The following KANK1 variants were observed in gnomAD, a reference collection of about 807,000 sequenced individuals.
KANK1 encodes KN motif and ankyrin repeat domains 1, also known as KN motif and ankyrin repeat domain-containing protein 1.
Under a neutral mutation model 106.2 loss-of-function variants are expected in KANK1, and 109 were observed. The observed-to-expected ratio is 1.03, with a 90% CI of 0.88 to 1.20. KANK1 has a LOEUF of 1.20. Ranked by LOEUF, KANK1 falls within the 50% of genes most tolerant of loss-of-function variation. The pLI, the probability that KANK1 is intolerant of heterozygous loss-of-function variation, is 0.00. For synonymous variants in KANK1, 873 were observed against 652.2 expected (o/e 1.34, Z -5.16); for missense variants, 2,399 against 1,710.7 (o/e 1.40, Z -7.10).
chr9:543,807 C>G lies in KANK1; in HGVS notation c.-84+39053C>G, dbSNP rs539358301. On this transcript the variant is annotated intron_variant, in intron 1 of 11. Coordinates refer to ENST00000382297, the MANE Select transcript of KANK1 (RefSeq NM_015158.5). ...GATTGTTGCAAGACTTGACATTTCTCTAGTTAATTTCTATGCCTGTTGTTT... is the reference window on the plus strand; with the variant it reads ...GATTGTTGCAAGACTTGACATTTCTGTAGTTAATTTCTATGCCTGTTGTTT... 1.8e-3 allele frequency among the ~76,000 whole-genome samples: 280 copies of G among 152,210 alleles called. 1 individual carries two copies. The highest frequency in any genetic ancestry group is 3.5e-3 in the Non-Finnish European group (236 of 67,982).
chr9:482,893 G>A (rs978225582), intron 3 of KANK1, among the ~76,000 whole-genome samples: 1 of 152,160 alleles, frequency 6.6e-6, no homozygotes, highest in African/African-American at 2.4e-5. Flanking sequence ...GTAGCATGAT[G>A]AAATCTTAGC....
At chr9:509,345 C>T (rs886222764) in intron 1 of KANK1, among the ~76,000 whole-genome samples, 14 of 152,318 alleles carry the variant, frequency 9.2e-5, no homozygotes, top group African/African-American at 3.1e-4. Context: ...ATCCACCCAC[C>T]TCGGCCTCCC....
chr9:670,565 G>C lies in KANK1; in HGVS notation c.-83-6325G>C, dbSNP rs149438891. 2.9e-3 allele frequency among the ~76,000 whole-genome samples: 439 copies of C among 152,270 alleles called. 1 individual carries two copies. Among genetic ancestry groups the C allele is most frequent in the African/African-American group, 0.01 (427 of 41,538 alleles). Reference sequence around the variant, plus strand: ...TGTGGTATGGAAAGGCTGGCTAGGAGTTCATGCCCAAGAGACCTGTGGAAT... The same window carrying C: ...TGTGGTATGGAAAGGCTGGCTAGGACTTCATGCCCAAGAGACCTGTGGAAT... On this transcript the variant is annotated intron_variant, in intron 1 of 11. Coordinates refer to ENST00000382297, the MANE Select transcript of KANK1 (RefSeq NM_015158.5).
At chr9:501,848 C>T (rs775455173), upstream of KANK1, among the ~76,000 whole-genome samples, 1 of 152,152 alleles carries the variant, frequency 6.6e-6, no homozygotes, top group Non-Finnish European at 1.5e-5. Flanking sequence ...CGCCCAGCCT[C>T]GCGAGAGTCT....
chr9:736,256 G>C (rs990088314), intron 7 of KANK1, among the ~76,000 whole-genome samples: 1 of 152,130 alleles, frequency 6.6e-6, no homozygotes, highest in Non-Finnish European at 1.5e-5. Context: ...ACCGCGCCTG[G>C]CCTCAAAAAC....
intron 8 of KANK1, among the ~76,000 whole-genome samples, chr9:740,146 A>C (rs1357430964): frequency 6.6e-6 from 1 of 152,234 alleles, no homozygotes; most frequent in Non-Finnish European, 1.5e-5. Flanking sequence ...TAAATGCCCG[A>C]AGGATAATTT....
At chr9:699,838 C>A (rs945743034) in intron 2 of KANK1, among the ~76,000 whole-genome samples, 3 of 152,090 alleles carry the variant, frequency 2.0e-5, no homozygotes, top group African/African-American at 7.2e-5. Flanking sequence ...AAAAATTAGC[C>A]GGGTTTGGTC....
chr9:650,481 G>A (rs556703535), intron 1 of KANK1, among the ~76,000 whole-genome samples: 1 of 152,124 alleles, frequency 6.6e-6, no homozygotes, highest in Admixed American at 6.5e-5. Context: ...CTAGGATGGG[G>A]GCCTAAGATT....
chr9:599,094 C>T (rs1827071211), intron 1 of KANK1, among the ~76,000 whole-genome samples: 1 of 149,656 alleles, frequency 6.7e-6, no homozygotes, highest in South Asian at 2.1e-4. Context: ...TCTTGGCTCA[C>T]CACAGCCTCC....
chr9:473,053 A>G (rs949324276), intron 2 of KANK1: 1 of 152,248 alleles, frequency 6.6e-6, no homozygotes, highest in Non-Finnish European at 1.5e-5. Flanking sequence ...TTGAGATTTT[A>G]TATAGCAATA....
intron 3 of KANK1, among the ~76,000 whole-genome samples, chr9:726,078 T>G (rs775624079): frequency 6.6e-5 from 10 of 152,204 alleles, no homozygotes; most frequent in Non-Finnish European, 1.3e-4. Context: ...TACATACATA[T>G]GTAAATATAA....
chr9:705,915 T>A (rs1480746874), intron 2 of KANK1, among the ~76,000 whole-genome samples: 1 of 152,090 alleles, frequency 6.6e-6, no homozygotes, highest in Non-Finnish European at 1.5e-5. Context: ...AAATTTTTTT[T>A]AATTAAGTTT....
upstream of KANK1, among the ~76,000 whole-genome samples, chr9:502,108 T>C (rs2058565110): frequency 6.6e-6 from 1 of 152,216 alleles, no homozygotes; most frequent in Non-Finnish European, 1.5e-5. Flanking sequence ...CATGTTGTTA[T>C]GTTCCTAGTT....
At chr9:640,837 C>A (rs529488401) in intron 1 of KANK1, among the ~76,000 whole-genome samples, 1 of 151,916 alleles carries the variant, frequency 6.6e-6, no homozygotes, top group African/African-American at 2.4e-5. Flanking sequence ...GCTGGACCTA[C>A]ATGTGCCCGC....
intron 5 of KANK1, 128 bp from the exon 6 acceptor site, chr9:732,250 C>G (rs1832501977): frequency 1.8e-6 from 2 of 1,139,680 alleles, no homozygotes; most frequent in Admixed American, 2.4e-5. Flanking sequence ...CTTTGAACTT[C>G]TAAGTGCAGG....
At chr9:675,264 G>C (rs1184473436) in intron 1 of KANK1, among the ~76,000 whole-genome samples, 1 of 152,120 alleles carries the variant, frequency 6.6e-6, no homozygotes, top group African/African-American at 2.4e-5. Flanking sequence ...GGCTGCATTA[G>C]AATTAGTGTA....
At chr9:605,601 G>A (rs1588179193) in intron 1 of KANK1, among the ~76,000 whole-genome samples, 1 of 151,806 alleles carries the variant, frequency 6.6e-6, no homozygotes, top group Non-Finnish European at 1.5e-5. Context: ...ATTGTTTCCT[G>A]TAATCTCTTC....
At chr9:661,232 G>A (rs543031355) in intron 1 of KANK1, among the ~76,000 whole-genome samples, 5 of 151,992 alleles carry the variant, frequency 3.3e-5, no homozygotes, top group East Asian at 3.9e-4. Flanking sequence ...CCATTAGCTC[G>A]TCATTTACAT....
At chr9:652,449 G>A (rs1841113797) in intron 1 of KANK1, among the ~76,000 whole-genome samples, 1 of 152,170 alleles carries the variant, frequency 6.6e-6, no homozygotes, top group Admixed American at 6.5e-5. Flanking sequence ...CTTGAATCTG[G>A]TAGGCAGAGT....
Sources: allele counts gnomAD v4.1 joint callset (sites outside exome capture counted in the v4.1 genomes callset), GRCh38; gene constraint gnomAD v4.1.1; transcripts MANE v1.5; gene names NCBI Gene and HGNC (gene_info 2026-07-23, HGNC 2026-07-21).